The following CXCR6 variants were observed in gnomAD, a reference collection of about 807,000 sequenced individuals.
CXCR6 encodes C-X-C chemokine receptor type 6.
CXCR6 carries 3 observed loss-of-function variants against 1.6 expected under a neutral mutation model. That is an observed-to-expected ratio of 1.83 (90% CI 0.83 to 4.72). The LOEUF (loss-of-function observed/expected upper bound fraction) is 4.72. Among genes scored for constraint, CXCR6 ranks in the 30% most tolerant of loss-of-function variants. The pLI, the probability that CXCR6 is intolerant of heterozygous loss-of-function variation, is 0.02. For missense variants in CXCR6, 326 were observed against 414.8 expected (o/e 0.79, Z 1.86); for synonymous variants, 171 against 159.2 (o/e 1.07, Z -0.56).
intron 1 of CXCR6, chr3:45,945,552 T>C (rs1704536076): frequency 1.3e-5 from 2 of 152,180 alleles, no homozygotes; most frequent in African/African-American, 4.8e-5. Context: ...CCCATTTCAA[T>C]TGGGTTTTCT....
rs367874819 is a variant in CXCR6 at position 45,946,653 on chromosome 3, T to G, written c.172T>G (p.Phe58Val). 3.7e-6 allele frequency: 6 copies of G among 1,614,104 alleles called. No homozygotes were observed. The African/African-American group carries it at 6.7e-5, about 18-fold the overall frequency. The change falls in exon 2 of 2, where the codon TTC becomes GTC. Residue 58 changes from phenylalanine (F) to valine (V), a missense_variant. Transcript: ENST00000304552. ...CTCTCTGGTGCTGGTCATATCCATC[T>G]TCTACCATAAGTTGCAGAGCCTGAC... The part of the protein sequence containing the change: ...GNSLVLVISI[F>V]YHKLQSLTDV...
At chr3:45,946,400 G>T in intron 1 of CXCR6, 61 bp from the exon 2 acceptor site, 1 of 1,252,864 alleles carries the variant, frequency 8.0e-7, no homozygotes. Flanking sequence ...CAATGGGATA[G>T]CAGGAAGACA....
chr3:45,945,140 C>T (rs1704503120), intron 1 of CXCR6: 1 of 152,220 alleles, frequency 6.6e-6, no homozygotes, highest in South Asian at 2.1e-4. Flanking sequence ...CCAGTCAGGA[C>T]TCAAAGTCAG....
In CXCR6 at chr3:45,947,582, C is replaced by A; in HGVS notation, c.*72C>A. 2 of 1,228,424 alleles carry A rather than the reference C, an allele frequency of 1.6e-6. No individual in the cohort carries two copies. The highest frequency in any genetic ancestry group is 2.3e-6 in the Non-Finnish European group (2 of 853,086). The allele number at this position is 1,228,424 out of a possible 1,614,324, so 76.1% of individuals were successfully genotyped here. The stretch of plus-strand genomic sequence containing the variant: ...GCTGTGCCCTCTTGATGTGGTGAGG[C>A]AGGCTTTGTTTATAGCTTGCGCATT... On this transcript the variant is annotated 3_prime_UTR_variant, in exon 2 of 2. Coordinates refer to ENST00000304552, the MANE Select transcript of CXCR6 (RefSeq NM_006564.2).
rs766808494 is a variant in CXCR6, at chr3:45,946,979, A to G, written c.498A>G (p.Gln166=). ...WVISLLVSLP[Q]IIYGNVFNLD... Reference sequence around the variant, plus strand: ...TATCCCTGCTGGTTTCCTTGCCCCAAATTATCTATGGCAATGTCTTTAATC... The same window carrying G: ...TATCCCTGCTGGTTTCCTTGCCCCAGATTATCTATGGCAATGTCTTTAATC... The change falls in exon 2 of 2, where the codon CAA becomes CAG. Residue 166 remains glutamine (Q), a synonymous_variant. Coordinates refer to ENST00000304552, the MANE Select transcript of CXCR6 (RefSeq NM_006564.2). The G allele has an allele frequency of 1.9e-6, 3 of 1,614,046 alleles. No individual in the cohort carries two copies. Among genetic ancestry groups the G allele is most frequent in the Non-Finnish European group, 2.5e-6 (3 of 1,180,044 alleles).
chr3:45,947,631 T>C lies in CXCR6; in HGVS notation c.*121T>C, dbSNP rs2234359. ...TTCTCATGGAGAAGTTATCAGACAC[T>C]CTGGCTGGTTTGGAATGCTTCTTCT... On this transcript the variant is annotated 3_prime_UTR_variant, in exon 2 of 2. Transcript: ENST00000304552. 8,073 of 760,072 alleles carry C rather than the reference T, an allele frequency of 0.011. 445 individuals are homozygous for C. The African/African-American group carries it at 0.11, about 11-fold the overall frequency. The allele number at this position is 760,072 out of a possible 1,614,324, so 47.1% of individuals were successfully genotyped here.
At chr3:45,945,254 A>G (rs1213146559) in intron 1 of CXCR6, 1 of 152,246 alleles carries the variant, frequency 6.6e-6, no homozygotes, top group East Asian at 1.9e-4. Flanking sequence ...ATTCTGTCCA[A>G]ACACCTGCTC....
chr3:45,941,344 C>A (rs1704214484), upstream of CXCR6: 1 of 152,214 alleles, frequency 6.6e-6, no homozygotes, highest in Non-Finnish European at 1.5e-5. Flanking sequence ...AAATCTGCAG[C>A]AGGTATGTCT....
upstream of CXCR6, among the ~76,000 whole-genome samples, chr3:45,942,807 A>C (rs1704312311): frequency 6.6e-6 from 1 of 152,214 alleles, no homozygotes; most frequent in Non-Finnish European, 1.5e-5. Context: ...CAGCCAGCCT[A>C]CGCAGGGTGG....
At position 45,947,308 on chromosome 3, in the gene CXCR6, T is replaced by A. The variant is rs1049395994; in HGVS notation, c.827T>A (p.Ile276Asn). ...TACACCATCATGGTGACAGAGGCCA[T>A]CGCATACCTGAGGGCCTGCCTTAAC... ...FHYTIMVTEA[I>N]AYLRACLNPV... Residue 276 changes from isoleucine (I) to asparagine (N), a missense_variant, in exon 2 of 2, where the codon ATC becomes AAC. By Grantham distance (149) the Ile-to-Asn change is moderately radical (BLOSUM62 -3). Coordinates refer to ENST00000304552, the MANE Select transcript of CXCR6 (RefSeq NM_006564.2). 4 of 1,614,196 alleles carry A rather than the reference T, an allele frequency of 2.5e-6. No homozygotes were observed. Among genetic ancestry groups the A allele is most frequent in the South Asian group, 2.2e-5 (2 of 91,086 alleles).
At chr3:45,943,074 TGCTGGA>T (rs746414363), upstream of CXCR6, among the ~76,000 whole-genome samples, 4 of 152,198 alleles carry the variant, frequency 2.6e-5, no homozygotes, top group African/African-American at 4.8e-5. Context: ...CTATCACATA[TGCTGGA>T]GCTGCATATG....
In CXCR6 at chr3:45,947,033, C is replaced by T. The variant is rs61751654; in HGVS notation, c.552C>T (p.Asp184=). The T allele has an allele frequency of 5.6e-3, 9,001 of 1,614,196 alleles. 38 individuals carry two copies. Among genetic ancestry groups the T allele is most frequent in the Non-Finnish European group, 6.5e-3 (7,639 of 1,180,018 alleles). ...NLDKLICGYH[D]EAISTVVLAT... ...ACAAGCTCATATGTGGTTACCATGA[C>T]GAGGCAATTTCCACTGTGGTTCTTG... The change falls in exon 2 of 2, where the codon GAC becomes GAT. Residue 184 remains aspartate, a synonymous_variant. Coordinates refer to ENST00000304552, the MANE Select transcript of CXCR6 (RefSeq NM_006564.2).
At chr3:45,944,196 CTGTG>C (rs10562426) in intron 1 of CXCR6, among the ~76,000 whole-genome samples, 7 of 150,018 alleles carry the variant, frequency 4.7e-5, no homozygotes, top group African/African-American at 1.5e-4. Flanking sequence ...GCGTGTGTGT[CTGTG>C]TGTGTGTGTG....
At chr3:45,940,995 G>C (rs1704195486), upstream of CXCR6, 1 of 152,164 alleles carries the variant, frequency 6.6e-6, no homozygotes, top group Non-Finnish European at 1.5e-5. Flanking sequence ...TGTTCCTCCA[G>C]AACAATTCCT....
At chr3:45,941,976 T>C (rs1273600344), upstream of CXCR6, among the ~76,000 whole-genome samples, 1 of 152,264 alleles carries the variant, frequency 6.6e-6, no homozygotes, top group Admixed American at 6.5e-5. Context: ...AGTCTGTTCC[T>C]TTATTCATTT....
intron 1 of CXCR6, among the ~76,000 whole-genome samples, chr3:45,944,304 AC>A (rs1467251366): frequency 6.6e-5 from 10 of 152,314 alleles, no homozygotes; most frequent in African/African-American, 2.2e-4. Flanking sequence ...GTTAAGAATC[AC>A]AATTTTATAT....
chr3:45,946,234 G>A (rs1704592301), intron 1 of CXCR6: 1 of 472,006 alleles, frequency 2.1e-6, no homozygotes, highest in African/African-American at 1.9e-5. Context: ...TCCCAGATGG[G>A]TGAGATCCTG....
intron 1 of CXCR6, chr3:45,945,609 C>T (rs912451415): frequency 6.6e-6 from 1 of 152,138 alleles, no homozygotes; most frequent in African/African-American, 2.4e-5. Flanking sequence ...ATCACAGGAG[C>T]TAAGGCAAGG....
In CXCR6 at chr3:45,948,027, T is replaced by C. The variant is rs17078463; in HGVS notation, c.*517T>C. The C allele has an allele frequency of 0.028, 4,802 of 170,360 alleles. 144 individuals are homozygous for C. Among genetic ancestry groups the C allele is most frequent in the African/African-American group, 0.079 (3,274 of 41,544 alleles). 10.6% of individuals were successfully genotyped at this position (170,360 alleles called of 1,614,324 possible). On this transcript the variant is annotated 3_prime_UTR_variant, in exon 2 of 2. Transcript: ENST00000304552. ...CCTTGGGGCTTGACTTTTGTATAGG[T>C]AGATGTTCAGATTGCTTTGATTAAT...
Sources: allele counts gnomAD v4.1 joint callset (sites outside exome capture counted in the v4.1 genomes callset), GRCh38; gene constraint gnomAD v4.1.1; transcripts MANE v1.5; gene names NCBI Gene and HGNC (gene_info 2026-07-23, HGNC 2026-07-21).